The following SENP5 variants were observed in gnomAD, a reference collection of about 807,000 sequenced individuals.
The protein encoded by SENP5 is SUMO specific peptidase 5.
SENP5 carries 21 observed loss-of-function variants against 74.2 expected under a neutral mutation model. The ratio of observed to expected loss-of-function variants is 0.28; its 90% confidence interval spans 0.20 to 0.41. The LOEUF is 0.41. Among genes scored for constraint, SENP5 ranks in the 10% least tolerant of loss-of-function variants. The pLI is 1.00. For synonymous variants in SENP5, 311 were observed against 312.7 expected, an observed-to-expected ratio of 0.99 and a Z score of 0.06; for missense variants, 717 against 889.1, an observed-to-expected ratio of 0.81 and a Z score of 2.46.
intron 1 of SENP5, among the ~76,000 whole-genome samples, chr3:196,877,324 C>T (rs577005888): frequency 7.2e-5 from 11 of 152,228 alleles, no homozygotes; most frequent in African/African-American, 2.4e-4. Flanking sequence ...CTGGCCATTA[C>T]TGGTGCCCAC....
In SENP5 at chr3:196,929,628, T is replaced by G. The variant is rs777031756; in HGVS notation, c.2107-5T>G. 2 of 1,586,316 alleles carry G rather than the reference T, an allele frequency of 1.3e-6. No individual in the cohort carries two copies. The highest frequency in any genetic ancestry group is 2.2e-5 in the South Asian group (2 of 89,378). ...TTTTAATGACTATTTTGTTTTTCCCTTCAGTGTATTCCACAACAGAAAAAC... is the reference window on the plus strand; with the variant it reads ...TTTTAATGACTATTTTGTTTTTCCCGTCAGTGTATTCCACAACAGAAAAAC... On this transcript the variant is annotated splice_polypyrimidine_tract_variant and splice_region_variant and intron_variant, in intron 8 of 9. Transcript: ENST00000323460.
intron 1 of SENP5, among the ~76,000 whole-genome samples, chr3:196,877,314 C>T (rs926625814): frequency 6.6e-6 from 1 of 152,104 alleles, no homozygotes; most frequent in Non-Finnish European, 1.5e-5. Context: ...TCCTGAGAAG[C>T]TGGCCATTAC....
At chr3:196,892,815 T>C (rs1334043067) in intron 2 of SENP5, among the ~76,000 whole-genome samples, 1 of 152,210 alleles carries the variant, frequency 6.6e-6, no homozygotes, top group Non-Finnish European at 1.5e-5. Context: ...AGTATATTTT[T>C]TTGTGTCTGG....
chr3:196,882,988 T>C (rs1713795005), intron 1 of SENP5, among the ~76,000 whole-genome samples: 1 of 151,784 alleles, frequency 6.6e-6, no homozygotes, highest in South Asian at 2.1e-4. Flanking sequence ...TCAGTCTGCT[T>C]GTATGGGTGA....
chr3:196,877,310 G>A (rs1276000486), intron 1 of SENP5, among the ~76,000 whole-genome samples: 1 of 152,104 alleles, frequency 6.6e-6, no homozygotes, highest in Non-Finnish European at 1.5e-5. Flanking sequence ...AGGCTCCTGA[G>A]AAGCTGGCCA....
intron 5 of SENP5, among the ~76,000 whole-genome samples, chr3:196,901,016 G>A (rs1270811319): frequency 1.3e-5 from 2 of 151,576 alleles, no homozygotes; most frequent in African/African-American, 4.8e-5. Flanking sequence ...AAAAGGGACT[G>A]GCTAAGCTTT....
In SENP5 at chr3:196,932,232, G is replaced by A. The variant is rs1379397097; in HGVS notation, c.*1309G>A. The stretch of plus-strand genomic sequence containing the variant: ...TGAAACCTACCCAGTTACCCTTTCT[G>A]AATTGGGAGGAAAACCAACCAATGT... On this transcript the variant is annotated 3_prime_UTR_variant, in exon 10 of 10. Coordinates refer to ENST00000323460, the MANE Select transcript of SENP5 (RefSeq NM_152699.5). The A allele has an allele frequency of 6.3e-6, 1 of 158,356 alleles. No individual in the cohort carries two copies. The highest frequency in any genetic ancestry group is 2.4e-5 in the African/African-American group (1 of 41,492). 9.8% of individuals were successfully genotyped at this position (158,356 alleles called of 1,614,324 possible). A position where few individuals can be genotyped will look rare whatever the true frequency, so the allele number is the denominator to read the frequency against.
Position 196,931,839 on chromosome 3 carries a change from T to C in SENP5, c.*916T>C. 2 of 418,982 alleles carry C rather than the reference T, an allele frequency of 4.8e-6. No individual in the cohort carries two copies. The highest frequency in any genetic ancestry group is 3.4e-5 in the South Asian group (2 of 58,220). The allele number at this position is 418,982 out of a possible 1,614,324, so 26.0% of individuals were successfully genotyped here. ...TTGGAAGAAGTTAAGGTTTACCAAATGCATTTCTATTTCAAGGGTATCTGA... is the reference window on the plus strand; with the variant it reads ...TTGGAAGAAGTTAAGGTTTACCAAACGCATTTCTATTTCAAGGGTATCTGA... On this transcript the variant is annotated 3_prime_UTR_variant, in exon 10 of 10. Transcript: ENST00000323460.
At chr3:196,872,553 C>T (rs1483312775) in intron 1 of SENP5, among the ~76,000 whole-genome samples, 1 of 152,154 alleles carries the variant, frequency 6.6e-6, no homozygotes, top group African/African-American at 2.4e-5. Flanking sequence ...TCATTCTCAA[C>T]TGGACCAGTT....
At position 196,923,502 on chromosome 3, in the gene SENP5, T is replaced by G. The variant is rs746978578; in HGVS notation, c.1973T>G (p.Ile658Ser). 3.1e-6 allele frequency: 5 copies of G among 1,611,198 alleles called. No homozygotes were observed. In the Admixed American group the frequency reaches 6.7e-5, roughly 22 times the overall value. ...ATTACTGTGACACTCTCTAATCGAA[T>G]TATTTCATTTTATGATTCCCAAGGC... ...SLITVTLSNR[I>S]ISFYDSQGIH... Residue 658 changes from isoleucine (I) to serine (S), a missense_variant, in exon 7 of 10, where the codon ATT becomes AGT. Ile to Ser is a moderately radical substitution (Grantham distance 142). Around this residue, in one of 4 missense-constraint regions of SENP5, gnomAD observed 85 missense variants for 188.9 expected, o/e 0.45. Transcript: ENST00000323460.
chr3:196,900,479 T>A, intron 5 of SENP5, 67 bp downstream of exon 5: 1 of 1,342,374 alleles, frequency 7.4e-7, no homozygotes, highest in Non-Finnish European at 1.0e-6. Context: ...AGTTTTTTTG[T>A]TTTTACATTT....
At chr3:196,884,727 A>C (rs951324244) in intron 1 of SENP5, among the ~76,000 whole-genome samples, 14 of 143,676 alleles carry the variant, frequency 9.7e-5, no homozygotes, top group African/African-American at 3.7e-4. Flanking sequence ...GCTGGAGTGC[A>C]GTGGCGCGAT....
chr3:196,894,765 A>G (rs1486406090), intron 2 of SENP5, among the ~76,000 whole-genome samples: 1 of 152,008 alleles, frequency 6.6e-6, no homozygotes, highest in Non-Finnish European at 1.5e-5. Flanking sequence ...CTCTCCTTTA[A>G]TTCTTTTCAA....
chr3:196,888,498 C>T (rs1182204633), intron 2 of SENP5, among the ~76,000 whole-genome samples: 3 of 151,740 alleles, frequency 2.0e-5, no homozygotes, highest in African/African-American at 4.8e-5. Context: ...CAGGGAGAAT[C>T]GCTTGAACCT....
intron 2 of SENP5, among the ~76,000 whole-genome samples, chr3:196,897,186 AG>A (rs1714475906): frequency 6.6e-6 from 1 of 152,110 alleles, no homozygotes; most frequent in African/African-American, 2.4e-5. Context: ...TATTGTTGTT[AG>A]GGGTATTATT....
At chr3:196,888,064 C>T (rs756427176) in intron 2 of SENP5, among the ~76,000 whole-genome samples, 4 of 152,194 alleles carry the variant, frequency 2.6e-5, no homozygotes, top group Admixed American at 6.5e-5. Context: ...TGAGCCACTG[C>T]GCCTGGCCTA....
intron 2 of SENP5, among the ~76,000 whole-genome samples, chr3:196,886,912 G>A (rs1474959201): frequency 6.6e-6 from 1 of 152,050 alleles, no homozygotes; most frequent in African/African-American, 2.4e-5. Context: ...TAAGCTAATA[G>A]TGCGATGAAA....
At position 196,885,515 on chromosome 3, in the gene SENP5, C is replaced by T. The variant is rs1299867733; in HGVS notation, c.334C>T (p.Leu112=). The change falls in exon 2 of 10, where the codon CTG becomes TTG. Residue 112 remains leucine, a synonymous_variant. Transcript: ENST00000323460. ...CTTCATTTCCTCCTCAAAGACTCTC[C>T]TGAGACTCCAAGCAGAGAAGCTGTT... is the stretch of plus-strand genomic sequence containing the variant. ...KHFISSSKTL[L]RLQAEKLLSS... 1.2e-6 allele frequency: 2 copies of T among 1,613,998 alleles called. No homozygotes were observed. Among genetic ancestry groups the T allele is most frequent in the Non-Finnish European group, 1.7e-6 (2 of 1,180,036 alleles).
intron 7 of SENP5, among the ~76,000 whole-genome samples, chr3:196,927,357 C>G (rs2108866929): frequency 6.6e-6 from 1 of 152,276 alleles, no homozygotes. Flanking sequence ...GAAGGGCTGG[C>G]TAACCATCTC....
Sources: allele counts gnomAD v4.1 joint callset (sites outside exome capture counted in the v4.1 genomes callset), GRCh38; gene constraint gnomAD v4.1.1; regional missense constraint gnomAD v4.1.1; transcripts MANE v1.5; gene names NCBI Gene and HGNC (gene_info 2026-07-23, HGNC 2026-07-21).